The following KIRREL3 variants were observed in gnomAD, a reference collection of about 807,000 sequenced individuals.
The protein encoded by KIRREL3 is kirre like nephrin family adhesion molecule 3.
Under a neutral mutation model 89.7 loss-of-function variants are expected in KIRREL3, and 36 were observed. The observed-to-expected ratio is 0.40, with a 90% CI of 0.31 to 0.53. KIRREL3 has a LOEUF of 0.53. Ranked by LOEUF, KIRREL3 falls within the 20% of genes least tolerant of loss-of-function variation. The pLI, the probability that KIRREL3 is intolerant of heterozygous loss-of-function variation, is 0.49. For synonymous variants in KIRREL3, 445 were observed against 441.4 expected, an observed-to-expected ratio of 1.01 and a Z score of -0.10; for missense variants, 864 against 1,056.6, an observed-to-expected ratio of 0.82 and a Z score of 2.53.
At position 126,966,660 on chromosome 11, in the gene KIRREL3, T is replaced by G. The variant is rs538341897; in HGVS notation, c.55+33795A>C. ...CTAATGGGCTCATTCTGGAGGTGGC[T>G]GGGTGCTTTGAGTCTAGAGACATGC... is the stretch of plus-strand genomic sequence containing the variant. On this transcript the variant is annotated intron_variant, in intron 1 of 16. Transcript: ENST00000525144. 1.6e-3 allele frequency among the ~76,000 whole-genome samples: 244 copies of G among 152,288 alleles called. 1 individual carries two copies. Among genetic ancestry groups the G allele is most frequent in the Admixed American group, 2.7e-3 (42 of 15,302 alleles).
intron 7 of KIRREL3, 45 bp downstream of exon 7, chr11:126,456,304 T>TG: frequency 7.5e-7 from 1 of 1,324,872 alleles, no homozygotes; most frequent in Non-Finnish European, 1.1e-6. Context: ...GGCACGGGGG[T>TG]GGGGGCCAGT....
At position 126,575,201 on chromosome 11, in the gene KIRREL3, T is replaced by A. The variant is rs1046495279; in HGVS notation, c.56-12289A>T. Among the ~76,000 whole-genome samples, 1 of 152,208 alleles carries A rather than the reference T, an allele frequency of 6.6e-6. No individual in the cohort carries two copies. Among genetic ancestry groups the A allele is most frequent in the African/African-American group, 2.4e-5 (1 of 41,448 alleles). ...AAGAAGCCCGGGGAGTAGGAAGTTC[T>A]ATGCTACCCTGGCTTGAAGCTTTGG... On this transcript the variant is annotated intron_variant, in intron 1 of 16. Transcript: ENST00000525144. This position sits in a 1 kb window ranked among gnomAD's most constrained non-coding sequence, Gnocchi z 7.0.
chr11:126,564,800 T>A lies in KIRREL3; in HGVS notation c.56-1888A>T, dbSNP rs1591746935. ...CCTTCCAGGAGGGGGCCAGTGGAAG[T>A]ACAAGCTGCGAGGAGGTGCTGAGCT... On this transcript the variant is annotated intron_variant, in intron 1 of 16. Transcript: ENST00000525144. The surrounding 1 kb of genome is among the most constrained non-coding windows in gnomAD (Gnocchi z 7.4). Among the ~76,000 whole-genome samples, 1 of 152,144 alleles carries A rather than the reference T, an allele frequency of 6.6e-6. No homozygotes were observed. Among genetic ancestry groups the A allele is most frequent in the African/African-American group, 2.4e-5 (1 of 41,442 alleles).
In KIRREL3 at chr11:126,428,056, G is replaced by A. The variant is rs1056248764; in HGVS notation, c.1806+1123C>T. On this transcript the variant is annotated intron_variant, in intron 15 of 16. Coordinates refer to ENST00000525144, the MANE Select transcript of KIRREL3 (RefSeq NM_032531.4). This position sits in a 1 kb window ranked among gnomAD's most constrained non-coding sequence, Gnocchi z 6.4. ...GCCTGTGTAAGGCTCCGAAGACCCC[G>A]GGATGAACACAGCAGCAGCTGCTCA... is the stretch of plus-strand genomic sequence containing the variant. Among the ~76,000 whole-genome samples, 8 of 152,162 alleles carry A rather than the reference G, an allele frequency of 5.3e-5. No individual in the cohort carries two copies. The highest frequency in any genetic ancestry group is 9.7e-5 in the African/African-American group (4 of 41,430).
intron 1 of KIRREL3, among the ~76,000 whole-genome samples, chr11:126,730,001 T>C (rs1006281735): frequency 6.6e-6 from 1 of 152,214 alleles, no homozygotes; most frequent in South Asian, 2.1e-4. Flanking sequence ...GTCTTATTTC[T>C]GGGACACCCT....
chr11:126,995,728 C>A lies in KIRREL3; in HGVS notation c.55+4727G>T, dbSNP rs369913253. Among the ~76,000 whole-genome samples the A allele has an allele frequency of 6.6e-6, 1 of 152,204 alleles. No individual in the cohort carries two copies. Among genetic ancestry groups the A allele is most frequent in the Admixed American group, 6.5e-5 (1 of 15,276 alleles). ...ATTGTTATTATTTTGCTATTGAAAT[C>A]TCTTCAATTCGCTCTGGATTATTCA... On this transcript the variant is annotated intron_variant, in intron 1 of 16. Transcript: ENST00000525144. The surrounding 1 kb of genome is among the most constrained non-coding windows in gnomAD (Gnocchi z 6.5).
chr11:126,581,281 C>T (rs576702886), intron 1 of KIRREL3, among the ~76,000 whole-genome samples: 3 of 152,176 alleles, frequency 2.0e-5, no homozygotes, highest in Non-Finnish European at 4.4e-5. Flanking sequence ...CAGCTCACTG[C>T]AACCTCTACC....
rs1958756711 is a variant in KIRREL3, at chr11:126,526,463, C to A, written c.283+75G>T. On this transcript the variant is annotated intron_variant, in intron 3 of 16. Transcript: ENST00000525144. The surrounding 1 kb of genome is among the most constrained non-coding windows in gnomAD (Gnocchi z 5.7). Reference sequence around the variant, plus strand: ...ACTCAGACACCTGTGAAGATGGGTGCTCCCTAGGAAGGTGGATGGGTGAGT... The same window carrying A: ...ACTCAGACACCTGTGAAGATGGGTGATCCCTAGGAAGGTGGATGGGTGAGT... The A allele has an allele frequency of 2.1e-6, 3 of 1,417,396 alleles. No homozygotes were observed. The South Asian group carries it at 3.9e-5, about 19-fold the overall frequency. 87.8% of individuals were successfully genotyped at this position (1,417,396 alleles called of 1,614,324 possible).
rs1323020992 is a variant in KIRREL3 at position 126,723,553 on chromosome 11, C to A, written c.56-160641G>T. ...GTAGGCAAGAAAGCATTTCCTAAAC[C>A]CTTCTCCTCTATGCTTTTAAAATAA... is the stretch of plus-strand genomic sequence containing the variant. On this transcript the variant is annotated intron_variant, in intron 1 of 16. Transcript: ENST00000525144. This position sits in a 1 kb window ranked among gnomAD's most constrained non-coding sequence, Gnocchi z 4.0. Among the ~76,000 whole-genome samples the A allele has an allele frequency of 6.6e-6, 1 of 152,190 alleles. No individual in the cohort carries two copies. The highest frequency in any genetic ancestry group is 2.4e-5 in the African/African-American group (1 of 41,444).
At chr11:126,779,428 C>G (rs1025087720) in intron 1 of KIRREL3, among the ~76,000 whole-genome samples, 10 of 152,162 alleles carry the variant, frequency 6.6e-5, no homozygotes, top group Admixed American at 1.3e-4. Flanking sequence ...AGAATTGCCT[C>G]CTGGGAAACA....
intron 1 of KIRREL3, among the ~76,000 whole-genome samples, chr11:126,779,171 G>A (rs981779519): frequency 3.3e-5 from 5 of 152,114 alleles, no homozygotes; most frequent in Admixed American, 1.3e-4. Flanking sequence ...ACATCTTCAG[G>A]TGCTCCTCAT....
At chr11:126,840,031 T>C (rs749693155) in intron 1 of KIRREL3, among the ~76,000 whole-genome samples, 1 of 152,168 alleles carries the variant, frequency 6.6e-6, no homozygotes, top group Non-Finnish European at 1.5e-5. Flanking sequence ...ACATGAACGT[T>C]GAGAAATCTG....
chr11:126,457,251 GTA>G (rs1393309847), intron 6 of KIRREL3, among the ~76,000 whole-genome samples: 2 of 145,174 alleles, frequency 1.4e-5, no homozygotes, highest in African/African-American at 2.7e-5. Context: ...GTATGTGTGT[GTA>G]TGTGTGTATG....
intron 1 of KIRREL3, among the ~76,000 whole-genome samples, chr11:126,585,950 A>G (rs1941829633): frequency 1.3e-5 from 2 of 152,348 alleles, no homozygotes; most frequent in South Asian, 4.1e-4. Flanking sequence ...AATAAATATG[A>G]TATCATAAGC....
Position 126,544,956 on chromosome 11 carries a change from A to G in KIRREL3, c.133+17879T>C, listed in dbSNP as rs900101434. ...AAAACTCAACGTGCAACATTGCCTT[A>G]CGCAATCTAATAAATTACTTGGTAC... On this transcript the variant is annotated intron_variant, in intron 2 of 16. Transcript: ENST00000525144. The surrounding 1 kb of genome is among the most constrained non-coding windows in gnomAD (Gnocchi z 5.6). 3.5e-4 allele frequency among the ~76,000 whole-genome samples: 53 copies of G among 152,294 alleles called. No homozygotes were observed. The highest frequency in any genetic ancestry group is 1.1e-3 in the African/African-American group (46 of 41,566).
At chr11:126,857,823 G>C (rs1040793809) in intron 1 of KIRREL3, among the ~76,000 whole-genome samples, 1 of 150,530 alleles carries the variant, frequency 6.6e-6, no homozygotes, top group African/African-American at 2.4e-5. Context: ...AGCTGCCTGG[G>C]ATGTGAATGG....
At chr11:126,738,699 A>G (rs573188845) in intron 1 of KIRREL3, among the ~76,000 whole-genome samples, 1 of 152,306 alleles carries the variant, frequency 6.6e-6, no homozygotes, top group East Asian at 1.9e-4. Flanking sequence ...CTTCCCAGAA[A>G]TGTCCTTTTG....
At chr11:126,725,806 A>G (rs550203951) in intron 1 of KIRREL3, among the ~76,000 whole-genome samples, 32 of 152,320 alleles carry the variant, frequency 2.1e-4, no homozygotes, top group African/African-American at 7.7e-4. Flanking sequence ...GGGGGGAGGC[A>G]TCAGGATTGG....
chr11:126,588,248 T>C (rs1941965187), intron 1 of KIRREL3, among the ~76,000 whole-genome samples: 1 of 152,222 alleles, frequency 6.6e-6, no homozygotes. Flanking sequence ...TATCACTTAT[T>C]AGAGCTGTGT....
Sources: gnomAD v4.1 joint callset for allele counts (sites outside exome capture counted in the v4.1 genomes callset) on GRCh38, gnomAD v4.1.1 for gene constraint, Gnocchi (gnomAD v3.1) non-coding constraint, MANE v1.5 for transcripts, NCBI Gene and HGNC (gene_info 2026-07-23, HGNC 2026-07-21) for gene names.